The following ADAMTS17 variants were observed in gnomAD, a reference collection of about 807,000 sequenced individuals.
ADAMTS17 encodes the protein ADAM metallopeptidase with thrombospondin type 1 motif 17.
In ADAMTS17, 113 loss-of-function variants were observed where a neutral mutation model predicts 141.5. The observed-to-expected ratio is 0.80, with a 90% CI of 0.69 to 0.93. The LOEUF is 0.93. Ranked by LOEUF, ADAMTS17 falls within the 40% of genes least tolerant of loss-of-function variation. ADAMTS17 has a pLI of 0.00. For missense variants in ADAMTS17, 1,659 were observed against 1,517.9 expected (o/e 1.09, Z -1.54); for synonymous variants, 768 against 630.6 (o/e 1.22, Z -3.27).
Position 100,341,321 on chromosome 15 carries a change from G to A in ADAMTS17, c.168C>T (p.Ala56=), listed in dbSNP as rs886050982. 1.3e-3 allele frequency: 1,333 copies of A among 1,037,420 alleles called. 31 individuals carry two copies. The Admixed American group carries it at 0.052, about 40-fold the overall frequency. The allele number at this position is 1,037,420 out of a possible 1,614,324, so 64.3% of individuals were successfully genotyped here. The change falls in exon 2 of 22, where the codon GCC becomes GCT. Residue 56 remains alanine, a synonymous_variant. Coordinates refer to ENST00000268070, the MANE Select transcript of ADAMTS17 (RefSeq NM_139057.4). ...DDVHLPPLPA[A]PGPRRRRRPR... The stretch of plus-strand genomic sequence containing the variant: ...GGCGTCGCCGCCGTCGGGGCCCGGG[G>A]GCTGCGGGCAGCGGCGGCAGGTGCA...
At chr15:100,102,553 A>G (rs4965585) in intron 14 of ADAMTS17, among the ~76,000 whole-genome samples, 15,618 of 95,680 alleles carry the variant, frequency 0.16, 2,228 homozygotes, top group East Asian at 0.3. Context: ...CTACATTTGA[A>G]GGCCGACCGA....
At chr15:100,107,864 T>C (rs2036502822) in intron 14 of ADAMTS17, among the ~76,000 whole-genome samples, 1 of 152,114 alleles carries the variant, frequency 6.6e-6, no homozygotes, top group Admixed American at 6.5e-5. Flanking sequence ...TCGTTACAGG[T>C]GCCCAAGCTG....
intron 18 of ADAMTS17, among the ~76,000 whole-genome samples, chr15:99,998,699 A>G (rs1223041626): frequency 1.3e-5 from 2 of 152,174 alleles, no homozygotes; most frequent in African/African-American, 4.8e-5. Context: ...AGGGCGCTGG[A>G]AAGCAGCTGA....
chr15:100,049,112 G>A (rs1596301081), intron 17 of ADAMTS17, 120 bp from the exon 18 acceptor site: 2 of 1,445,758 alleles, frequency 1.4e-6, no homozygotes, highest in East Asian at 2.3e-5. Context: ...CATTTAAAGT[G>A]ACTGCTGTAA....
intron 7 of ADAMTS17, among the ~76,000 whole-genome samples, chr15:100,226,080 A>T (rs895158267): frequency 4.1e-5 from 6 of 146,310 alleles, no homozygotes; most frequent in Admixed American, 4.1e-4. Flanking sequence ...CTCTGTGCCC[A>T]TTCAGTCCTT....
chr15:100,065,476 C>T (rs566297052), intron 15 of ADAMTS17, among the ~76,000 whole-genome samples: 137 of 152,300 alleles, frequency 9.0e-4, no homozygotes, highest in African/African-American at 3.2e-3. Context: ...GCTAACTCTA[C>T]ATCTGCTAAT....
At chr15:100,190,884 T>C (rs1365747581) in intron 8 of ADAMTS17, among the ~76,000 whole-genome samples, 2 of 152,322 alleles carry the variant, frequency 1.3e-5, no homozygotes, top group East Asian at 3.9e-4. Flanking sequence ...CCTGGTTCTG[T>C]TCACGTGTGG....
At chr15:100,306,361 G>C in intron 3 of ADAMTS17, 1 of 401,144 alleles carries the variant, frequency 2.5e-6, no homozygotes, top group Non-Finnish European at 5.0e-6. Context: ...TGGGCTTGCG[G>C]GAACTCTTGC....
At chr15:100,253,597 GT>G (rs911167161) in intron 7 of ADAMTS17, among the ~76,000 whole-genome samples, 35 of 151,694 alleles carry the variant, frequency 2.3e-4, no homozygotes, top group African/African-American at 8.0e-4. Flanking sequence ...AGGAAAGGGT[GT>G]TTTCTCAGCA....
intron 12 of ADAMTS17, among the ~76,000 whole-genome samples, chr15:100,125,139 C>T (rs192991511): frequency 6.9e-4 from 105 of 152,320 alleles, no homozygotes; most frequent in African/African-American, 2.2e-3. Flanking sequence ...CCTGCCCTGG[C>T]GGCCCCTGGC....
At chr15:100,266,801 A>G (rs1277453650) in intron 4 of ADAMTS17, among the ~76,000 whole-genome samples, 1 of 152,044 alleles carries the variant, frequency 6.6e-6, no homozygotes, top group Non-Finnish European at 1.5e-5. Flanking sequence ...CAGGGCACTT[A>G]CCACGCTCTG....
chr15:100,331,422 T>C (rs961525505), intron 2 of ADAMTS17, among the ~76,000 whole-genome samples: 1 of 152,210 alleles, frequency 6.6e-6, no homozygotes, highest in Non-Finnish European at 1.5e-5. Context: ...ACTGAAATTG[T>C]TGGGAATGAC....
At chr15:99,977,361 T>TAC (rs2060361438) in intron 20 of ADAMTS17, among the ~76,000 whole-genome samples, 1 of 6,888 alleles carries the variant, frequency 1.5e-4, no homozygotes, top group African/African-American at 8.8e-4. Context: ...TATATATATA[T>TAC]ATATATATAT....
At chr15:100,000,573 G>C (rs1357907843) in intron 18 of ADAMTS17, among the ~76,000 whole-genome samples, 1 of 152,192 alleles carries the variant, frequency 6.6e-6, no homozygotes, top group Non-Finnish European at 1.5e-5. Context: ...GAGCGCAATG[G>C]CACGATCTCG....
chr15:100,278,415 A>AG (rs1385789323), intron 4 of ADAMTS17, among the ~76,000 whole-genome samples: 1 of 151,682 alleles, frequency 6.6e-6, no homozygotes. Context: ...ACTTTGAAGG[A>AG]GGGGTGGGAG....
intron 14 of ADAMTS17, among the ~76,000 whole-genome samples, chr15:100,097,109 G>A (rs28758982): frequency 0.024 from 3,635 of 152,294 alleles, 142 homozygotes; most frequent in African/African-American, 0.08. Context: ...ACCCTAGGTG[G>A]ATCTGAGAAG....
chr15:100,065,462 T>C (rs754335758), intron 15 of ADAMTS17, among the ~76,000 whole-genome samples: 3 of 152,258 alleles, frequency 2.0e-5, no homozygotes, highest in Non-Finnish European at 4.4e-5. Flanking sequence ...TGAGTTTCTA[T>C]GTAGCTAACT....
At chr15:100,023,585 A>C (rs2061446078) in intron 18 of ADAMTS17, among the ~76,000 whole-genome samples, 1 of 152,184 alleles carries the variant, frequency 6.6e-6, no homozygotes, top group African/African-American at 2.4e-5. Flanking sequence ...CTCAGAGTCC[A>C]GATTTCCTCT....
chr15:100,297,142 G>T (rs1330153956), intron 3 of ADAMTS17, among the ~76,000 whole-genome samples: 1 of 152,146 alleles, frequency 6.6e-6, no homozygotes, highest in Admixed American at 6.5e-5. Flanking sequence ...GAGCTAGGAG[G>T]AGTCCAGAGA....
Sources: allele counts gnomAD v4.1 joint callset (sites outside exome capture counted in the v4.1 genomes callset), GRCh38; gene constraint gnomAD v4.1.1; transcripts MANE v1.5; gene names NCBI Gene and HGNC (gene_info 2026-07-23, HGNC 2026-07-21).